BFSP1: variants seen among roughly 807,000 people sequenced by gnomAD.
The protein encoded by BFSP1 is beaded filament structural protein 1, also known as filensin.
BFSP1 carries 38 observed loss-of-function variants against 43.9 expected under a neutral mutation model. The ratio of observed to expected loss-of-function variants is 0.87; its 90% CI spans 0.67 to 1.14. The LOEUF (loss-of-function observed/expected upper bound fraction) is 1.14, where lower values mean the gene tolerates loss of function less well. BFSP1 is among the 50% of genes most tolerant of loss of function. BFSP1 has a pLI of 0.00. For missense variants in BFSP1, 850 were observed against 875.1 expected (o/e 0.97, Z 0.36); for synonymous variants, 352 against 354.8 (o/e 0.99, Z 0.09).
intron 2 of BFSP1, chr20:17,517,275 C>G (rs1185252537): frequency 7.9e-7 from 1 of 1,259,658 alleles, no homozygotes; most frequent in African/African-American, 1.5e-5. Flanking sequence ...CAAATGTTGT[C>G]TGACTTACTG....
chr20:17,508,054 G>C (rs34579920), intron 5 of BFSP1, among the ~76,000 whole-genome samples: 1 of 152,216 alleles, frequency 6.6e-6, no homozygotes, highest in Non-Finnish European at 1.5e-5. Context: ...AATGGTCCAG[G>C]CTTTCTGAAG....
At chr20:17,547,734 CTT>C (rs34519380) in intron 1 of BFSP1, among the ~76,000 whole-genome samples, 21 of 136,178 alleles carry the variant, frequency 1.5e-4, no homozygotes, top group Non-Finnish European at 1.6e-4. Context: ...CTTTTTCTTT[CTT>C]TTTTTTTTTT....
At chr20:17,540,225 T>C (rs2034694303) in intron 1 of BFSP1, among the ~76,000 whole-genome samples, 1 of 152,138 alleles carries the variant, frequency 6.6e-6, no homozygotes, top group African/African-American at 2.4e-5. Context: ...TATTTCCTGC[T>C]ATTCCACCCT....
At chr20:17,532,910 G>C (rs1265050047), upstream of BFSP1, among the ~76,000 whole-genome samples, 1 of 152,108 alleles carries the variant, frequency 6.6e-6, no homozygotes, top group African/African-American at 2.4e-5. Context: ...ATCAAAGATA[G>C]AGAAAGAAAA....
chr20:17,500,632 T>G (rs1310598114), intron 5 of BFSP1, among the ~76,000 whole-genome samples: 1 of 152,226 alleles, frequency 6.6e-6, no homozygotes, highest in African/African-American at 2.4e-5. Flanking sequence ...TTTCTCATTA[T>G]TTTGGCGTGT....
intron 1 of BFSP1, among the ~76,000 whole-genome samples, chr20:17,553,826 T>TATATATATAC (rs2034939455): frequency 3.4e-5 from 3 of 87,086 alleles, no homozygotes; most frequent in African/African-American, 2.1e-4. Context: ...CACACACACA[T>TATATATATAC]ATATATATAT....
At position 17,531,273 on chromosome 20, in the gene BFSP1, G is replaced by C. The variant is rs1289833337; in HGVS notation, c.57C>G (p.Asp19Glu). 1 of 1,457,604 alleles carries C rather than the reference G, an allele frequency of 6.9e-7. No individual in the cohort carries two copies. 90.3% of individuals were successfully genotyped at this position (1,457,604 alleles called of 1,614,324 possible). A position where few individuals can be genotyped will look rare whatever the true frequency, so the allele number is the denominator to read the frequency against. ...QTRKEQYEHA[D>E]EASRAAEPER... ...CGGGCTCGGCGGCGCGCGAAGCCTC[G>C]TCGGCGTGCTCGTACTGCTCCTTGC... Residue 19 changes from aspartate (D) to glutamate (E), a missense_variant, in exon 1 of 8, where the codon GAC (aspartate) becomes GAG (glutamate). Transcript: ENST00000377873.
At chr20:17,495,232 CT>C (rs1414935299) in intron 7 of BFSP1, among the ~76,000 whole-genome samples, 2 of 152,200 alleles carry the variant, frequency 1.3e-5, no homozygotes, top group African/African-American at 4.8e-5. Flanking sequence ...AGCTGGGCGA[CT>C]CTGGACAAGT....
chr20:17,565,462 T>C (rs951948241), intron 1 of BFSP1: 1 of 152,282 alleles, frequency 6.6e-6, no homozygotes, highest in East Asian at 1.9e-4. Context: ...TGCCCATCAG[T>C]AGGGGAAAAG....
At chr20:17,568,093 G>A (rs1016873266) in intron 1 of BFSP1, among the ~76,000 whole-genome samples, 2 of 152,208 alleles carry the variant, frequency 1.3e-5, no homozygotes, top group African/African-American at 4.8e-5. Context: ...AGTAAGAGGT[G>A]TTCTGGAATG....
At position 17,498,659 on chromosome 20, in the gene BFSP1, G is replaced by A. The variant is rs6080720; in HGVS notation, c.956+161C>T. Among the ~76,000 whole-genome samples the A allele has an allele frequency of 0.23, 34,869 of 152,112 alleles. 4,331 individuals are homozygous for A. The highest frequency in any genetic ancestry group is 0.31 in the African/African-American group (12,933 of 41,478). Reference sequence around the variant, plus strand: ...AGCACTGGTCGTACCTTCATCCTCTGTCTCCCCTACTAGTTATCCAACACC... The same window carrying A: ...AGCACTGGTCGTACCTTCATCCTCTATCTCCCCTACTAGTTATCCAACACC... On this transcript the variant is annotated intron_variant, in intron 6 of 7. Coordinates refer to ENST00000377873, the MANE Select transcript of BFSP1 (RefSeq NM_001195.5).
upstream of BFSP1, chr20:17,560,533 T>C (rs1303388111): frequency 1.3e-5 from 2 of 152,202 alleles, no homozygotes; most frequent in African/African-American, 2.4e-5. Flanking sequence ...GTAGCTAACA[T>C]GGCCGCAGCT....
chr20:17,504,721 T>G (rs6075218), intron 5 of BFSP1, among the ~76,000 whole-genome samples: 51,570 of 152,092 alleles, frequency 0.34, 9,070 homozygotes, highest in African/African-American at 0.39. Context: ...CAACCTGAAC[T>G]TTATCCGGAG....
chr20:17,495,427 A>G (rs2033608723), intron 7 of BFSP1, among the ~76,000 whole-genome samples: 1 of 152,226 alleles, frequency 6.6e-6, no homozygotes, highest in Admixed American at 6.5e-5. Flanking sequence ...GATCCACAGA[A>G]GCCCATTCCT....
chr20:17,529,198 G>A (rs559935161), intron 1 of BFSP1, among the ~76,000 whole-genome samples: 26 of 151,964 alleles, frequency 1.7e-4, no homozygotes, highest in East Asian at 3.9e-4. Context: ...TCAGCCTCCC[G>A]GGTAGCTGGA....
chr20:17,508,380 T>C (rs1056097636), intron 5 of BFSP1, among the ~76,000 whole-genome samples: 11 of 152,328 alleles, frequency 7.2e-5, no homozygotes, highest in African/African-American at 2.6e-4. Context: ...CACCAACACG[T>C]TTCTAACTAG....
At chr20:17,563,390 C>T (rs990770858), upstream of BFSP1, among the ~76,000 whole-genome samples, 2 of 60,522 alleles carry the variant, frequency 3.3e-5, no homozygotes, top group Non-Finnish European at 8.0e-5. Flanking sequence ...TTCCTTCCTC[C>T]CTCCCTCCCT....
chr20:17,564,406 T>A (rs559959862), intron 1 of BFSP1, among the ~76,000 whole-genome samples: 41 of 151,488 alleles, frequency 2.7e-4, no homozygotes, highest in African/African-American at 9.7e-4. Context: ...TTGAGCACCA[T>A]CAAGTCAATA....
intron 1 of BFSP1, among the ~76,000 whole-genome samples, chr20:17,553,366 T>A (rs192869291): frequency 2.0e-4 from 30 of 152,014 alleles, no homozygotes; most frequent in African/African-American, 6.8e-4. Context: ...GGAATAAAAT[T>A]CACAGGGTAG....
Sources: gnomAD v4.1 joint callset for allele counts (sites outside exome capture counted in the v4.1 genomes callset) on GRCh38, gnomAD v4.1.1 for gene constraint, MANE v1.5 for transcripts, NCBI Gene and HGNC (gene_info 2026-07-23, HGNC 2026-07-21) for gene names.